Variants in CHLSN observed in about 807,000 individuals in gnomAD.
CHLSN encodes the protein cholesin, also known as protein cholesin.
the CHLSN span, chr7:1,058,725 G>A: frequency 1.5e-5 from 9 of 591,378 alleles, no homozygotes; most frequent in South Asian, 4.3e-5. Context: ...GAGTCTCCCC[G>A]AGGCCTGTGC....
chr7:1,114,585 C>T, the CHLSN span, among the ~76,000 whole-genome samples: 1 of 152,266 alleles, frequency 6.6e-6, no homozygotes, highest in Non-Finnish European at 1.5e-5. Flanking sequence ...GCTCCACAGG[C>T]CGTGATGGGC....
the CHLSN span, among the ~76,000 whole-genome samples, chr7:1,094,601 C>T: frequency 6.6e-6 from 1 of 152,164 alleles, no homozygotes; most frequent in South Asian, 2.1e-4. Context: ...GTCTGTGGGA[C>T]ATAACACAAC....
chr7:1,075,770 T>G, the CHLSN span, among the ~76,000 whole-genome samples: 2 of 151,394 alleles, frequency 1.3e-5, no homozygotes, highest in East Asian at 2.0e-4. Flanking sequence ...CCGCCACCAC[T>G]CCCAGCTAAT....
the CHLSN span, among the ~76,000 whole-genome samples, chr7:994,466 C>T: frequency 1.2e-3 from 181 of 152,004 alleles, no homozygotes; most frequent in Middle Eastern, 6.8e-3. Context: ...TAGTGCTCAC[C>T]GCACTAAATT....
the CHLSN span, among the ~76,000 whole-genome samples, chr7:1,048,733 G>A: frequency 3.2e-4 from 48 of 152,264 alleles, no homozygotes; most frequent in East Asian, 4.4e-3. Context: ...CTAGCCTGAC[G>A]GGGTCCTGTC....
chr7:992,366 C>T, the CHLSN span, among the ~76,000 whole-genome samples: 6 of 152,254 alleles, frequency 3.9e-5, no homozygotes, highest in African/African-American at 1.4e-4. Context: ...TGCAAACCTC[C>T]CGCAGCAAGC....
the CHLSN span, among the ~76,000 whole-genome samples, chr7:1,105,720 T>C: frequency 1.3e-5 from 2 of 152,234 alleles, no homozygotes; most frequent in East Asian, 3.8e-4. Flanking sequence ...GTTCAGGCAA[T>C]TCTCCTGCCT....
At chr7:986,483 TC>T in the CHLSN span, 5 of 938,746 alleles carry the variant, frequency 5.3e-6, no homozygotes, top group South Asian at 3.2e-5. Context: ...GGGCTAAGGG[TC>T]CCCCCGTTCT....
At chr7:1,092,781 C>G in the CHLSN span, 2 of 1,613,676 alleles carry the variant, frequency 1.2e-6, no homozygotes, top group Non-Finnish European at 1.7e-6. Context: ...TGAACCGCTT[C>G]TGTCACGCTG....
chr7:999,123 G>C, the CHLSN span, among the ~76,000 whole-genome samples: 1 of 152,156 alleles, frequency 6.6e-6, no homozygotes, highest in Non-Finnish European at 1.5e-5. Flanking sequence ...GGCTAACCAA[G>C]GATTTGCCTA....
chr7:1,088,790 T>A, the CHLSN span, among the ~76,000 whole-genome samples: 1 of 152,046 alleles, frequency 6.6e-6, no homozygotes, highest in African/African-American at 2.4e-5. This position sits in a 1 kb window ranked among gnomAD's most constrained non-coding sequence, Gnocchi z 4.5. Context: ...AAATGAGGTA[T>A]TGCACTGTTT....
chr7:1,027,111 G>A, the CHLSN span: 1 of 152,216 alleles, frequency 6.6e-6, no homozygotes, highest in Admixed American at 6.5e-5. Context: ...AAAATTAAAT[G>A]TCCGTGAAGT....
At chr7:1,110,773 C>T in the CHLSN span, among the ~76,000 whole-genome samples, 1 of 149,726 alleles carries the variant, frequency 6.7e-6, no homozygotes, top group Non-Finnish European at 1.5e-5. Context: ...AGTGTGTTTG[C>T]AAATCAGTAC....
chr7:1,110,373 A>C, the CHLSN span, among the ~76,000 whole-genome samples: 1 of 151,642 alleles, frequency 6.6e-6, no homozygotes, highest in Non-Finnish European at 1.5e-5. Flanking sequence ...CGAGAGGAAA[A>C]GCCAGCCACC....
the CHLSN span, among the ~76,000 whole-genome samples, chr7:1,102,671 G>A: frequency 5.3e-5 from 8 of 152,178 alleles, no homozygotes; most frequent in East Asian, 1.9e-4. Context: ...CGGGCGACCT[G>A]GAGAACAGGT....
chr7:1,122,928 A>C, the CHLSN span, among the ~76,000 whole-genome samples: 10 of 152,192 alleles, frequency 6.6e-5, no homozygotes, highest in Admixed American at 6.5e-4. Context: ...ACCAGTGGGC[A>C]ATCATACAGC....
chr7:1,070,237 A>C, the CHLSN span, among the ~76,000 whole-genome samples: 1 of 132,928 alleles, frequency 7.5e-6, no homozygotes, highest in African/African-American at 2.9e-5. Flanking sequence ...CCCGGCAGCC[A>C]CCCCGTCCGG....
the CHLSN span, among the ~76,000 whole-genome samples, chr7:1,023,705 T>C: frequency 3.4e-5 from 5 of 147,566 alleles, no homozygotes; most frequent in African/African-American, 1.3e-4. The surrounding 1 kb of genome is among the most constrained non-coding windows in gnomAD (Gnocchi z 5.0). Flanking sequence ...CCCCAATCCC[T>C]GGCAGCCCAA....
At chr7:1,057,960 G>A in the CHLSN span, 46 of 771,720 alleles carry the variant, frequency 6.0e-5, no homozygotes, top group Non-Finnish European at 1.0e-4. Flanking sequence ...GCACGTGTGC[G>A]GCTTCGTGTG....
Sources: allele counts gnomAD v4.1 joint callset (sites outside exome capture counted in the v4.1 genomes callset), GRCh38; gene constraint gnomAD v4.1.1; non-coding constraint Gnocchi (gnomAD v3.1); transcripts MANE v1.5; gene names NCBI Gene and HGNC (gene_info 2026-07-23, HGNC 2026-07-21).